The following GALNT10 variants were observed in gnomAD, a reference collection of about 807,000 sequenced individuals.
The protein encoded by GALNT10 is GalNAc transferase 10.
A neutral mutation model predicts 75.0 loss-of-function variants in GALNT10; 41 were observed. That is an observed-to-expected ratio of 0.55 (90% CI 0.43 to 0.71). The LOEUF (loss-of-function observed/expected upper bound fraction) is 0.71, where lower values mean the gene tolerates loss of function less well. Among genes scored for constraint, GALNT10 ranks in the 30% least tolerant of loss-of-function variants. The pLI is 0.00. For missense variants in GALNT10, 727 were observed against 818.5 expected (o/e 0.89, Z 1.36); for synonymous variants, 302 against 313.0 (o/e 0.96, Z 0.37).
intron 4 of GALNT10, among the ~76,000 whole-genome samples, chr5:154,357,837 G>A (rs1195356236): frequency 1.3e-5 from 2 of 152,124 alleles, no homozygotes; most frequent in Non-Finnish European, 2.9e-5. Flanking sequence ...CACAGGGGCC[G>A]CTCCCTGTGT....
rs201330072 is a variant in GALNT10, at chr5:154,287,177, T to A, written c.160-7639T>A. Among the ~76,000 whole-genome samples the A allele has an allele frequency of 4.5e-4, 69 of 152,364 alleles. No individual in the cohort carries two copies. The East Asian group carries it at 5.8e-3, about 13-fold the overall frequency. ...GTAACGTATTTTATTCTTGGAGTTC[T>A]ACTTCAGCCTGTTCCTTGCTCAAAG... is the stretch of plus-strand genomic sequence containing the variant. On this transcript the variant is annotated intron_variant, in intron 1 of 11. Transcript: ENST00000297107.
At chr5:154,292,287 C>T (rs1754205206) in intron 1 of GALNT10, among the ~76,000 whole-genome samples, 1 of 152,216 alleles carries the variant, frequency 6.6e-6, no homozygotes, top group African/African-American at 2.4e-5. Context: ...ATCCCCAGAG[C>T]TTCTGCTTCT....
chr5:154,308,655 T>C (rs6871683), intron 3 of GALNT10, among the ~76,000 whole-genome samples: 47,438 of 151,908 alleles, frequency 0.31, 7,695 homozygotes, highest in Non-Finnish European at 0.35. Context: ...GATCAGGAAC[T>C]TTATCTACGG....
chr5:154,360,450 T>TAAAAAAAAAAAAAAACAAA (rs1755366453), intron 4 of GALNT10, among the ~76,000 whole-genome samples: 1 of 133,722 alleles, frequency 7.5e-6, no homozygotes, highest in African/African-American at 2.8e-5. Flanking sequence ...AAACTCCATC[T>TAAAAAAAAAAAAAAACAAA]AAAAAAAAAA....
intron 4 of GALNT10, among the ~76,000 whole-genome samples, chr5:154,349,121 T>TA (rs1755169544): frequency 6.6e-6 from 1 of 151,954 alleles, no homozygotes; most frequent in Admixed American, 6.6e-5. Flanking sequence ...TTATTTTAAA[T>TA]AAAAATAATC....
chr5:154,365,993 C>T (rs1755468796), intron 4 of GALNT10, among the ~76,000 whole-genome samples: 1 of 152,168 alleles, frequency 6.6e-6, no homozygotes, highest in South Asian at 2.1e-4. Context: ...CTGACTTGTC[C>T]AGGAAGGCAT....
At chr5:154,388,822 G>C (rs190730435) in intron 7 of GALNT10, 5 of 148,948 alleles carry the variant, frequency 3.4e-5, no homozygotes, top group Admixed American at 2.7e-4. Context: ...GCCGAGATGG[G>C]AGGATCTCTT....
intron 1 of GALNT10, among the ~76,000 whole-genome samples, chr5:154,252,421 A>T (rs1255569779): frequency 6.6e-6 from 1 of 152,136 alleles, no homozygotes; most frequent in Non-Finnish European, 1.5e-5. Flanking sequence ...TTTGCCCTTT[A>T]TACTTGAAAG....
chr5:154,265,782 G>A (rs980521790), intron 1 of GALNT10, among the ~76,000 whole-genome samples: 3 of 152,104 alleles, frequency 2.0e-5, no homozygotes, highest in Non-Finnish European at 4.4e-5. Context: ...TTGCAAGCAG[G>A]TGGGTTTTCG....
chr5:154,285,904 G>T (rs1321532638), intron 1 of GALNT10, among the ~76,000 whole-genome samples: 1 of 152,124 alleles, frequency 6.6e-6, no homozygotes, highest in Non-Finnish European at 1.5e-5. Context: ...TGCTCTTCCA[G>T]GCCCTCCTAT....
chr5:154,315,018 G>A (rs1036142746), intron 3 of GALNT10, among the ~76,000 whole-genome samples: 1 of 152,028 alleles, frequency 6.6e-6, no homozygotes, highest in Non-Finnish European at 1.5e-5. Context: ...ACAACAGTGT[G>A]TCCTAGCAGT....
At chr5:154,299,708 T>C (rs569982813) in intron 3 of GALNT10, among the ~76,000 whole-genome samples, 1 of 152,372 alleles carries the variant, frequency 6.6e-6, no homozygotes, top group African/African-American at 2.4e-5. Flanking sequence ...AAAGATGTGC[T>C]GTCACCTAGG....
chr5:154,367,527 G>A (rs760998684), intron 4 of GALNT10, among the ~76,000 whole-genome samples: 51 of 152,250 alleles, frequency 3.3e-4, no homozygotes, highest in Non-Finnish European at 5.3e-4. Flanking sequence ...GGTTTGCTGG[G>A]GTAGGGGGCA....
intron 1 of GALNT10, among the ~76,000 whole-genome samples, chr5:154,216,044 G>A (rs914241148): frequency 3.3e-5 from 5 of 152,072 alleles, no homozygotes; most frequent in Admixed American, 3.3e-4. Flanking sequence ...AAACCTGTTT[G>A]TTTCATGCCA....
At chr5:154,303,458 C>T (rs1225258443) in intron 3 of GALNT10, among the ~76,000 whole-genome samples, 3 of 152,174 alleles carry the variant, frequency 2.0e-5, no homozygotes, top group Non-Finnish European at 4.4e-5. Context: ...TTGATCAGCA[C>T]CTGCCGTGAG....
At chr5:154,347,890 C>G (rs1003818853) in intron 4 of GALNT10, among the ~76,000 whole-genome samples, 1 of 152,182 alleles carries the variant, frequency 6.6e-6, no homozygotes, top group African/African-American at 2.4e-5. Flanking sequence ...GATTTTCTTT[C>G]CCTTCAACCT....
At chr5:154,411,338 C>A (rs1318697089) in intron 9 of GALNT10, among the ~76,000 whole-genome samples, 1 of 152,206 alleles carries the variant, frequency 6.6e-6, no homozygotes, top group Admixed American at 6.5e-5. Context: ...GGCTGACCAA[C>A]CCCTACTGCT....
intron 3 of GALNT10, 184 bp from the exon 4 acceptor site, chr5:154,329,388 T>G: frequency 1.7e-6 from 1 of 600,138 alleles, no homozygotes. Context: ...ATGCAGAGAT[T>G]GGAGGTAGGA....
intron 4 of GALNT10, among the ~76,000 whole-genome samples, chr5:154,364,137 AGACAAGGAT>A (rs1755438985): frequency 6.6e-6 from 1 of 152,242 alleles, no homozygotes. Context: ...ACAGAGAAGC[AGACAAGGAT>A]GCTCTGAGCT....
Sources: gnomAD v4.1 joint callset for allele counts (sites outside exome capture counted in the v4.1 genomes callset) on GRCh38, gnomAD v4.1.1 for gene constraint, MANE v1.5 for transcripts, NCBI Gene and HGNC (gene_info 2026-07-23, HGNC 2026-07-21) for gene names.